DGLUCY: variants seen among roughly 807,000 people sequenced by gnomAD.
DGLUCY encodes D-glutamate cyclase, mitochondrial.
Under a neutral mutation model 58.5 loss-of-function variants are expected in DGLUCY, and 58 were observed. The observed-to-expected ratio is 0.99, with a 90% CI of 0.80 to 1.23. The LOEUF (loss-of-function observed/expected upper bound fraction) is 1.23. Ranked by LOEUF, DGLUCY falls within the 50% of genes most tolerant of loss-of-function variation. The pLI, the probability that DGLUCY is intolerant of heterozygous loss-of-function variation, is 0.00. For missense variants in DGLUCY, 779 were observed against 784.7 expected (o/e 0.99, Z 0.09); for synonymous variants, 325 against 314.1 (o/e 1.03, Z -0.37).
chr14:91,108,405 C>T (rs536560562), intron 1 of DGLUCY, among the ~76,000 whole-genome samples: 4 of 151,402 alleles, frequency 2.6e-5, no homozygotes, highest in Admixed American at 6.6e-5. Context: ...GAGTCTGTGT[C>T]AGTAAGTTCA....
chr14:91,142,905 C>T (rs1012183038), intron 1 of DGLUCY, among the ~76,000 whole-genome samples: 2 of 149,134 alleles, frequency 1.3e-5, no homozygotes, highest in Admixed American at 6.7e-5. Context: ...TGGTGCATGC[C>T]TGTAGTCCCA....
At chr14:91,224,581 A>T in intron 13 of DGLUCY, 103 bp from the exon 14 acceptor site, 7 of 1,290,322 alleles carry the variant, frequency 5.4e-6, no homozygotes, top group Non-Finnish European at 7.2e-6. Context: ...TTAAAAAGCA[A>T]GTATGTCAAG....
In DGLUCY at chr14:91,129,798, C is replaced by T. The variant is rs549553927; in HGVS notation, c.-82+15515C>T. Among the ~76,000 whole-genome samples the T allele has an allele frequency of 1.1e-3, 165 of 152,166 alleles. 1 individual carries two copies. Among genetic ancestry groups the T allele is most frequent in the Non-Finnish European group, 1.7e-3 (118 of 67,992 alleles). ...AGTAGCTGGGATTACAGACATGTGC[C>T]ACCACGCCTGGCTAATTTTGTATTT... On this transcript the variant is annotated intron_variant, in intron 1 of 13. Coordinates refer to ENST00000256324, the MANE Select transcript of DGLUCY (RefSeq NM_001102368.3).
chr14:91,176,101 G>T lies in DGLUCY; in HGVS notation c.730+45G>T, dbSNP rs1213493294. ...GACAATCGATCTGCCCTAGGATGGA[G>T]CCCAGTGGGGTCTAGTTCTTGAAAG... On this transcript the variant is annotated intron_variant, in intron 7 of 13. Coordinates refer to ENST00000256324, the MANE Select transcript of DGLUCY (RefSeq NM_001102368.3). 6 of 1,595,498 alleles carry T rather than the reference G, an allele frequency of 3.8e-6. No homozygotes were observed. The Admixed American group carries it at 6.9e-5, about 18-fold the overall frequency.
intron 13 of DGLUCY, among the ~76,000 whole-genome samples, chr14:91,221,551 G>A (rs1887505014): frequency 6.6e-6 from 1 of 151,726 alleles, no homozygotes; most frequent in African/African-American, 2.4e-5. Context: ...GTGGATGGAG[G>A]GATGGAGGGA....
chr14:91,132,774 A>C (rs559667225), intron 1 of DGLUCY, among the ~76,000 whole-genome samples: 1 of 151,220 alleles, frequency 6.6e-6, no homozygotes, highest in Non-Finnish European at 1.5e-5. Flanking sequence ...CACTGCGCCC[A>C]GCCAGAACTT....
intron 1 of DGLUCY, among the ~76,000 whole-genome samples, chr14:91,128,581 G>C (rs764204770): frequency 1.3e-5 from 2 of 152,042 alleles, no homozygotes; most frequent in Non-Finnish European, 2.9e-5. Flanking sequence ...AGCAGGAAAG[G>C]CTGGATCCAG....
At chr14:91,095,109 A>AG (rs1281048077) in intron 1 of DGLUCY, among the ~76,000 whole-genome samples, 2 of 149,170 alleles carry the variant, frequency 1.3e-5, no homozygotes, top group Non-Finnish European at 3.0e-5. Context: ...CTGCCCCCCC[A>AG]GTTCATTTGC....
chr14:91,069,426 C>A (rs1229650211), intron 1 of DGLUCY, among the ~76,000 whole-genome samples: 1 of 151,984 alleles, frequency 6.6e-6, no homozygotes, highest in Non-Finnish European at 1.5e-5. Flanking sequence ...CAGGCGCCCA[C>A]CACCATGCCC....
intron 1 of DGLUCY, among the ~76,000 whole-genome samples, chr14:91,116,942 CAAA>C (rs11442546): frequency 3.5e-5 from 5 of 142,626 alleles, no homozygotes; most frequent in Admixed American, 7.0e-5. Context: ...GAGTCTGTCT[CAAA>C]AAAAAAAAAA....
intron 1 of DGLUCY, among the ~76,000 whole-genome samples, chr14:91,116,667 C>T (rs988318782): frequency 4.6e-5 from 7 of 152,024 alleles, no homozygotes; most frequent in Admixed American, 6.6e-5. Context: ...AGGAATAGGC[C>T]GGGCGTGGTG....
intron 1 of DGLUCY, among the ~76,000 whole-genome samples, 196 bp from the exon 2 acceptor site, chr14:91,157,443 G>C (rs954095126): frequency 3.9e-5 from 6 of 152,208 alleles, no homozygotes; most frequent in Admixed American, 1.3e-4. Context: ...CTCAGTTTCT[G>C]TCTGTAATAG....
intron 3 of DGLUCY, chr14:91,165,147 TC>T (rs1336074142): frequency 1.4e-5 from 6 of 425,438 alleles, no homozygotes; most frequent in African/African-American, 1.2e-4. Flanking sequence ...ACACATTGTT[TC>T]ATTACCTAGT....
chr14:91,139,544 A>C (rs1170085279), intron 1 of DGLUCY, among the ~76,000 whole-genome samples: 1 of 152,082 alleles, frequency 6.6e-6, no homozygotes, highest in Non-Finnish European at 1.5e-5. Flanking sequence ...AATGAGCTGG[A>C]TGTGGTGGCT....
At chr14:91,143,924 A>G (rs895262844) in intron 1 of DGLUCY, among the ~76,000 whole-genome samples, 4 of 152,218 alleles carry the variant, frequency 2.6e-5, no homozygotes, top group Non-Finnish European at 4.4e-5. Flanking sequence ...AGTAGAGTCA[A>G]TTATTAAACC....
At chr14:91,096,899 G>C (rs527574422) in intron 1 of DGLUCY, among the ~76,000 whole-genome samples, 1 of 152,154 alleles carries the variant, frequency 6.6e-6, no homozygotes, top group Non-Finnish European at 1.5e-5. Flanking sequence ...GAAATTGCTG[G>C]GTTGGCACAG....
intron 12 of DGLUCY, among the ~76,000 whole-genome samples, chr14:91,205,932 C>T (rs1032193565): frequency 3.3e-5 from 5 of 149,688 alleles, no homozygotes; most frequent in Admixed American, 2.7e-4. Flanking sequence ...CTCCGCCTCC[C>T]GGGTTAAAGC....
At chr14:91,204,361 G>A (rs1162253069) in intron 11 of DGLUCY, among the ~76,000 whole-genome samples, 1 of 152,220 alleles carries the variant, frequency 6.6e-6, no homozygotes, top group Admixed American at 6.5e-5. Flanking sequence ...GGGGGGCTCA[G>A]TGAGCGGGAG....
chr14:91,149,673 A>T (rs7156523), intron 1 of DGLUCY, among the ~76,000 whole-genome samples: 6,726 of 152,338 alleles, frequency 0.044, 465 homozygotes, highest in African/African-American at 0.15. Context: ...GAAACTCTGT[A>T]CTAAATAAGC....
Sources: allele counts gnomAD v4.1 joint callset (sites outside exome capture counted in the v4.1 genomes callset), GRCh38; gene constraint gnomAD v4.1.1; transcripts MANE v1.5; gene names NCBI Gene and HGNC (gene_info 2026-07-23, HGNC 2026-07-21).